Variants in NFAT5 observed in about 807,000 individuals in gnomAD.
The protein encoded by NFAT5 is nuclear factor of activated T-cells 5.
NFAT5 carries 31 observed loss-of-function variants against 166.5 expected under a neutral mutation model. That is an observed-to-expected ratio of 0.19 (90% CI 0.14 to 0.25). NFAT5 has a LOEUF of 0.25. NFAT5 is among the 10% of genes least tolerant of loss of function. The probability of loss-of-function intolerance (pLI) is 1.00; values close to 1 mark genes in which losing one functional copy is unlikely to be tolerated. For synonymous variants in NFAT5, 612 were observed against 639.7 expected (o/e 0.96, Z 0.65); for missense variants, 1,449 against 1,821.8 (o/e 0.80, Z 3.72).
At position 69,621,327 on chromosome 16, in the gene NFAT5, A is replaced by G. The variant is rs1024770383; in HGVS notation, c.128-5076A>G. Among the ~76,000 whole-genome samples, 14 of 152,240 alleles carry G rather than the reference A, an allele frequency of 9.2e-5. 2 individuals carry two copies. The highest frequency in any genetic ancestry group is 3.9e-4 in the East Asian group (2 of 5,182). On this transcript the variant is annotated intron_variant, in intron 2 of 14. Coordinates refer to ENST00000349945, the MANE Select transcript of NFAT5 (RefSeq NM_138713.4). Reference sequence around the variant, plus strand: ...GTTACCCATTTAGAGGGTACAATTCAGTGGTTATTAATGTAAATACAGAGT... The same window carrying G: ...GTTACCCATTTAGAGGGTACAATTCGGTGGTTATTAATGTAAATACAGAGT...
At chr16:69,637,552 G>A (rs7204285) in intron 3 of NFAT5, among the ~76,000 whole-genome samples, 6,574 of 152,190 alleles carry the variant, frequency 0.043, 475 homozygotes, top group African/African-American at 0.15. Context: ...CTTCTTACAT[G>A]GTGGCAGCAA....
chr16:69,685,546 T>TA (rs148053131), intron 11 of NFAT5: 281 of 134,808 alleles, frequency 2.1e-3, no homozygotes, highest in Admixed American at 2.4e-3. Flanking sequence ...GACCCTGTCT[T>TA]AAAAAAAAAA....
chr16:69,686,566 T>C (rs1310454125), intron 11 of NFAT5, among the ~76,000 whole-genome samples: 1 of 151,938 alleles, frequency 6.6e-6, no homozygotes, highest in Non-Finnish European at 1.5e-5. Context: ...ACTTTTTTGA[T>C]AAAAAATTTA....
chr16:69,656,380 A>G (rs2151638210), intron 6 of NFAT5, among the ~76,000 whole-genome samples: 1 of 151,934 alleles, frequency 6.6e-6, no homozygotes, highest in East Asian at 1.9e-4. Context: ...GGTTTATAAT[A>G]GTAACATTGA....
At chr16:69,644,709 A>T (rs1248519907) in intron 3 of NFAT5, 2 of 350,916 alleles carry the variant, frequency 5.7e-6, no homozygotes, top group African/African-American at 4.3e-5. Context: ...ACAAGGTTAT[A>T]TCGTGCATAT....
In NFAT5 at chr16:69,566,230, G is replaced by T; in HGVS notation, c.-72G>T. 6.9e-7 allele frequency: 1 copy of T among 1,439,548 alleles called. No individual in the cohort carries two copies. Among genetic ancestry groups the T allele is most frequent in the Non-Finnish European group, 9.5e-7 (1 of 1,049,588 alleles). 89.2% of individuals were successfully genotyped at this position (1,439,548 alleles called of 1,614,324 possible). On this transcript the variant is annotated 5_prime_UTR_variant, in exon 1 of 15. Coordinates refer to ENST00000349945, the MANE Select transcript of NFAT5 (RefSeq NM_138713.4). The surrounding 1 kb of genome is among the most constrained non-coding windows in gnomAD (Gnocchi z 5.7). ...CCCCCGGTTCGGTGCCCGCGGTCCCGGAGAGGAGGTGCCGCCGCCACCGCC... is the reference window on the plus strand; with the variant it reads ...CCCCCGGTTCGGTGCCCGCGGTCCCTGAGAGGAGGTGCCGCCGCCACCGCC...
intron 4 of NFAT5, chr16:69,649,502 C>G: frequency 3.1e-6 from 3 of 983,278 alleles, no homozygotes; most frequent in Non-Finnish European, 3.6e-6. Flanking sequence ...TCAAGACAGA[C>G]TCTTTCATGA....
At chr16:69,575,365 A>G (rs1279952729) in intron 2 of NFAT5, among the ~76,000 whole-genome samples, 1 of 151,936 alleles carries the variant, frequency 6.6e-6, no homozygotes, top group Non-Finnish European at 1.5e-5. Flanking sequence ...ACAGGGTTTC[A>G]CCTTATTGGT....
intron 9 of NFAT5, among the ~76,000 whole-genome samples, chr16:69,676,491 CTT>C (rs2036838222): frequency 6.6e-6 from 1 of 152,192 alleles, no homozygotes; most frequent in South Asian, 2.1e-4. Context: ...TGGTAACTGA[CTT>C]TGCCCTTGGT....
intron 2 of NFAT5, among the ~76,000 whole-genome samples, chr16:69,591,558 G>A (rs1354338965): frequency 6.6e-6 from 1 of 151,774 alleles, no homozygotes; most frequent in Non-Finnish European, 1.5e-5. Flanking sequence ...CAAGATTATC[G>A]TGAAGCTTCT....
intron 4 of NFAT5, among the ~76,000 whole-genome samples, chr16:69,650,875 A>T (rs934824035): frequency 6.6e-6 from 1 of 152,222 alleles, no homozygotes; most frequent in Non-Finnish European, 1.5e-5. Context: ...AGATTAGTAT[A>T]AAACAGAATA....
chr16:69,578,015 T>C (rs954175782), intron 2 of NFAT5, among the ~76,000 whole-genome samples: 4 of 152,096 alleles, frequency 2.6e-5, no homozygotes, highest in Non-Finnish European at 5.9e-5. Context: ...TTTTTTTACC[T>C]GTACTGAACA....
intron 7 of NFAT5, among the ~76,000 whole-genome samples, chr16:69,661,971 G>C (rs1054990727): frequency 1.2e-4 from 18 of 151,672 alleles, no homozygotes; most frequent in Non-Finnish European, 1.2e-4. Context: ...ACCTATAATC[G>C]GAGCACTTTG....
chr16:69,607,135 G>GTA (rs2033454705), intron 2 of NFAT5, among the ~76,000 whole-genome samples: 1 of 152,152 alleles, frequency 6.6e-6, no homozygotes, highest in Admixed American at 6.5e-5. Context: ...TATTACCACT[G>GTA]TATTATAAAT....
intron 4 of NFAT5, chr16:69,648,941 TTACTC>T (rs1455066877): frequency 2.1e-6 from 2 of 975,346 alleles, no homozygotes; most frequent in African/African-American, 3.5e-5. Context: ...TAAGCAATAA[TTACTC>T]TACACCGCTT....
Position 69,693,549 on chromosome 16 carries a change from C to G in NFAT5, c.3724C>G (p.Pro1242Ala), listed in dbSNP as rs773963849. The change falls in exon 13 of 15, where the codon CCT becomes GCT. Residue 1242 changes from proline (P) to alanine (A), a missense_variant. This residue lies in a region of NFAT5 where 891 missense variants were observed against 993.0 expected (regional missense o/e 0.90). Transcript: ENST00000349945. The part of the protein sequence containing the change: ...ALGSLPPNPM[P>A]QSQQGTMFQS... ...GGGCTCCCTTCCACCTAATCCAATG[C>G]CTCAAAGCCAACAAGGAACCATGTT... 1 of 1,614,152 alleles carries G rather than the reference C, an allele frequency of 6.2e-7. No homozygotes were observed. The highest frequency in any genetic ancestry group is 2.2e-5 in the East Asian group (1 of 44,890).
intron 2 of NFAT5, among the ~76,000 whole-genome samples, chr16:69,574,181 CTT>C (rs1485111124): frequency 6.6e-6 from 1 of 151,920 alleles, no homozygotes; most frequent in East Asian, 1.9e-4. Context: ...AAAACAGACA[CTT>C]TTTATATGAA....
chr16:69,584,340 A>G (rs72801319), intron 2 of NFAT5, among the ~76,000 whole-genome samples: 7,418 of 147,490 alleles, frequency 0.05, 242 homozygotes, highest in Middle Eastern at 0.12. Flanking sequence ...TTTTTGACAG[A>G]GTGTTACTCT....
chr16:69,697,102 T>G lies in NFAT5; in HGVS notation c.*751T>G, dbSNP rs1410857671. ...AAAAAATGAAGGGGATAATATATGA[T>G]AAATTATGTTCTGATATCCTCCTAC... is the stretch of plus-strand genomic sequence containing the variant. On this transcript the variant is annotated 3_prime_UTR_variant, in exon 15 of 15. Transcript: ENST00000349945. The G allele has an allele frequency of 6.5e-6, 1 of 152,684 alleles. No homozygotes were observed. Among genetic ancestry groups the G allele is most frequent in the African/African-American group, 2.4e-5 (1 of 41,478 alleles). 9.5% of individuals were successfully genotyped at this position (152,684 alleles called of 1,614,324 possible).
Sources: allele counts gnomAD v4.1 joint callset (sites outside exome capture counted in the v4.1 genomes callset), GRCh38; gene constraint gnomAD v4.1.1; regional missense constraint gnomAD v4.1.1; non-coding constraint Gnocchi (gnomAD v3.1); transcripts MANE v1.5; gene names NCBI Gene and HGNC (gene_info 2026-07-23, HGNC 2026-07-21).